CBFA2T3: variants seen among roughly 807,000 people sequenced by gnomAD.
CBFA2T3 encodes CBFA2/RUNX1 partner transcriptional co-repressor 3.
Under a neutral mutation model 58.6 loss-of-function variants are expected in CBFA2T3, and 31 were observed. The ratio of observed to expected loss-of-function variants is 0.53; its 90% CI spans 0.40 to 0.71. The LOEUF is 0.71. CBFA2T3 is among the 30% of genes least tolerant of loss of function. CBFA2T3 has a pLI of 0.00. For synonymous variants in CBFA2T3, 531 were observed against 421.9 expected (o/e 1.26, Z -3.17); for missense variants, 1,076 against 963.1 (o/e 1.12, Z -1.55).
At chr16:88,941,918 C>T (rs1971753504) in intron 1 of CBFA2T3, 1 of 150,390 alleles carries the variant, frequency 6.6e-6, no homozygotes, top group African/African-American at 2.4e-5. Flanking sequence ...CCGCCGCCCC[C>T]GCCCCCTGCC....
chr16:88,900,675 C>A (rs564246969), intron 2 of CBFA2T3, among the ~76,000 whole-genome samples: 19 of 152,112 alleles, frequency 1.2e-4, no homozygotes, highest in African/African-American at 3.1e-4. Context: ...GAGTCTCCCC[C>A]CTGCAGACAC....
chr16:88,905,747 G>A (rs1204366482), intron 1 of CBFA2T3, among the ~76,000 whole-genome samples: 1 of 142,476 alleles, frequency 7.0e-6, no homozygotes, highest in Non-Finnish European at 1.5e-5. Flanking sequence ...GGACTGGAGG[G>A]GCGGGGCTGA....
In CBFA2T3 at chr16:88,875,535, T is replaced by C. The variant is rs1456451066; in HGVS notation, c.*1441A>G. The C allele has an allele frequency of 4.3e-6, 1 of 233,684 alleles. No individual in the cohort carries two copies. The highest frequency in any genetic ancestry group is 8.4e-6 in the Non-Finnish European group (1 of 118,412). The allele number at this position is 233,684 out of a possible 1,614,324, so 14.5% of individuals were successfully genotyped here. ...GTTTTTTTGTTTTTTCTGCAAAAGT[T>C]TGGAAGAAAGGGGAGTAGCTGCGGT... On this transcript the variant is annotated 3_prime_UTR_variant, in exon 12 of 12. Transcript: ENST00000268679.
chr16:88,958,878 C>G lies in CBFA2T3; in HGVS notation c.151+17779G>C, dbSNP rs910520955. Reference sequence around the variant, plus strand: ...CTAGGGGTATGGTCAGAGTGGGACCCTGTACCGCCTCTGCCGCCCTTTTCC... The same window carrying G: ...CTAGGGGTATGGTCAGAGTGGGACCGTGTACCGCCTCTGCCGCCCTTTTCC... On this transcript the variant is annotated intron_variant, in intron 1 of 11. Coordinates refer to ENST00000268679, the MANE Select transcript of CBFA2T3 (RefSeq NM_005187.6). The surrounding 1 kb of genome is among the most constrained non-coding windows in gnomAD (Gnocchi z 4.0). 6.6e-6 allele frequency among the ~76,000 whole-genome samples: 1 copy of G among 152,184 alleles called. No individual in the cohort carries two copies. The highest frequency in any genetic ancestry group is 2.4e-5 in the African/African-American group (1 of 41,448).
intron 2 of CBFA2T3, among the ~76,000 whole-genome samples, chr16:88,900,121 A>G (rs931094158): frequency 1.3e-5 from 2 of 151,956 alleles, no homozygotes; most frequent in Admixed American, 1.3e-4. Flanking sequence ...GACCTGCAAA[A>G]TCGTGAGTGC....
chr16:88,922,728 C>G (rs977196498), intron 1 of CBFA2T3, among the ~76,000 whole-genome samples: 1 of 152,226 alleles, frequency 6.6e-6, no homozygotes. Flanking sequence ...GGGTGGTGGA[C>G]GGCCCCTTCC....
intron 9 of CBFA2T3, 51 bp downstream of exon 9, chr16:88,881,240 C>T: frequency 2.0e-6 from 3 of 1,513,002 alleles, no homozygotes; most frequent in Non-Finnish European, 2.7e-6. Flanking sequence ...CAGGTGTCCG[C>T]CCCACCAGAG....
rs1028746008 is a variant in CBFA2T3, at chr16:88,881,676, C to T, written c.1204-187G>A. 1.1e-4 allele frequency: 65 copies of T among 580,620 alleles called. 1 individual carries two copies. The highest frequency in any genetic ancestry group is 9.2e-4 in the Middle Eastern group (2 of 2,174). 36.0% of individuals were successfully genotyped at this position (580,620 alleles called of 1,614,324 possible). A position where few individuals can be genotyped will look rare whatever the true frequency, so the allele number is the denominator to read the frequency against. Reference sequence around the variant, plus strand: ...AAGATGGGTCCCTAGCCTGGGACTGCCGAGCGCCTGGGGGTACCAGACTCA... The same window carrying T: ...AAGATGGGTCCCTAGCCTGGGACTGTCGAGCGCCTGGGGGTACCAGACTCA... On this transcript the variant is annotated intron_variant, in intron 8 of 11. Coordinates refer to ENST00000268679, the MANE Select transcript of CBFA2T3 (RefSeq NM_005187.6).
chr16:88,942,793 G>T (rs560863244), intron 1 of CBFA2T3, among the ~76,000 whole-genome samples: 3 of 152,292 alleles, frequency 2.0e-5, no homozygotes, highest in East Asian at 1.9e-4. Context: ...CAGACTGTGC[G>T]TAACATGGTG....
intron 10 of CBFA2T3, chr16:88,880,081 A>T (rs1409296882): frequency 6.4e-6 from 1 of 156,642 alleles, no homozygotes; most frequent in Non-Finnish European, 1.4e-5. Flanking sequence ...ACACACAGCC[A>T]CACACAGATC....
intron 11 of CBFA2T3, 56 bp from the exon 12 acceptor site, chr16:88,877,331 C>G (rs1968878077): frequency 2.1e-6 from 3 of 1,423,666 alleles, no homozygotes; most frequent in Middle Eastern, 2.4e-4. Flanking sequence ...GAATCCCCAA[C>G]ACACGCCTCA....
At chr16:88,907,460 G>A (rs986437208) in intron 1 of CBFA2T3, among the ~76,000 whole-genome samples, 3 of 152,236 alleles carry the variant, frequency 2.0e-5, no homozygotes, top group South Asian at 2.1e-4. Flanking sequence ...TGACGAGAAG[G>A]GCTCTGACGC....
intron 5 of CBFA2T3, among the ~76,000 whole-genome samples, chr16:88,890,401 G>A (rs917022733): frequency 2.0e-5 from 3 of 152,232 alleles, no homozygotes; most frequent in African/African-American, 7.2e-5. Flanking sequence ...CCCGAGGGGA[G>A]GCCTGGCCCA....
At chr16:88,920,443 ATTTTT>A (rs368094716) in intron 1 of CBFA2T3, among the ~76,000 whole-genome samples, 8 of 138,880 alleles carry the variant, frequency 5.8e-5, no homozygotes, top group Non-Finnish European at 1.1e-4. Flanking sequence ...TACCCGGCCA[ATTTTT>A]TTTTTTTTTT....
At chr16:88,975,246 G>T (rs73256258) in intron 1 of CBFA2T3, among the ~76,000 whole-genome samples, 1 of 55,020 alleles carries the variant, frequency 1.8e-5, no homozygotes, top group Non-Finnish European at 4.8e-5. Context: ...TCAGAGGCCC[G>T]CCCTGACCCT....
rs748453376 is a variant in CBFA2T3, at chr16:88,885,128, C to T, written c.1035G>A (p.Glu345=). 17 of 1,601,430 alleles carry T rather than the reference C, an allele frequency of 1.1e-5. No homozygotes were observed. In the African/African-American group the frequency reaches 1.3e-4, roughly 13 times the overall value. Reference sequence around the variant, plus strand: ...GGAAGTGGTGGGCCATGGCTATGTCCTCCAGGCGGTAGTGCGGCGGCGGTG... The same window carrying T: ...GGAAGTGGTGGGCCATGGCTATGTCTTCCAGGCGGTAGTGCGGCGGCGGTG... ...QPTPPPHYRL[E]DIAMAHHFRD... is the part of the protein sequence containing the mutation. The change falls in exon 7 of 12, where the codon GAG becomes GAA. Residue 345 remains glutamate, a synonymous_variant. Transcript: ENST00000268679. This position sits in a 1 kb window ranked among gnomAD's most constrained non-coding sequence, Gnocchi z 5.3.
intron 3 of CBFA2T3, among the ~76,000 whole-genome samples, chr16:88,897,480 C>T (rs961537438): frequency 3.9e-5 from 6 of 152,246 alleles, no homozygotes; most frequent in South Asian, 2.1e-4. Context: ...GCTCCCTGAA[C>T]GCCCGCCATG....
At chr16:88,887,875 C>T (rs556642329) in intron 5 of CBFA2T3, among the ~76,000 whole-genome samples, 3 of 152,300 alleles carry the variant, frequency 2.0e-5, no homozygotes, top group African/African-American at 7.2e-5. Context: ...CTGGTGTTTG[C>T]AATGACGGCG....
chr16:88,957,216 A>G lies in CBFA2T3; in HGVS notation c.151+19441T>C, dbSNP rs539922155. On this transcript the variant is annotated intron_variant, in intron 1 of 11. Coordinates refer to ENST00000268679, the MANE Select transcript of CBFA2T3 (RefSeq NM_005187.6). ...ACTCCCCGGCATCTTCCCTCTCACC[A>G]AATGCTGCCGGTGGTTCTAACCTCA... Among the ~76,000 whole-genome samples, 5 of 152,156 alleles carry G rather than the reference A, an allele frequency of 3.3e-5. No homozygotes were observed. The South Asian group carries it at 1.0e-3, about 32-fold the overall frequency.
Sources: gnomAD v4.1 joint callset for allele counts (sites outside exome capture counted in the v4.1 genomes callset) on GRCh38, gnomAD v4.1.1 for gene constraint, Gnocchi (gnomAD v3.1) non-coding constraint, MANE v1.5 for transcripts, NCBI Gene and HGNC (gene_info 2026-07-23, HGNC 2026-07-21) for gene names.